Variants in HS2ST1 observed in about 807,000 individuals in gnomAD.
The protein encoded by HS2ST1 is 2-O-sulfotransferase.
In HS2ST1, 18 loss-of-function variants were observed where a neutral mutation model predicts 42.9. The observed-to-expected ratio is 0.42, with a 90% CI of 0.29 to 0.62. The LOEUF (loss-of-function observed/expected upper bound fraction) is 0.62. Among genes scored for constraint, HS2ST1 ranks in the 20% least tolerant of loss-of-function variants. The pLI is 0.21. For missense variants in HS2ST1, 334 were observed against 433.8 expected, an observed-to-expected ratio of 0.77 and a Z score of 2.04; for synonymous variants, 146 against 152.9, an observed-to-expected ratio of 0.95 and a Z score of 0.33.
chr1:86,935,668 T>C (rs1051073609), intron 1 of HS2ST1, among the ~76,000 whole-genome samples: 3 of 151,990 alleles, frequency 2.0e-5, no homozygotes, highest in South Asian at 4.2e-4. Flanking sequence ...TTTGCCGTGT[T>C]GACCAGGCTA....
intron 1 of HS2ST1, among the ~76,000 whole-genome samples, chr1:86,929,106 G>C (rs1418433417): frequency 6.6e-6 from 1 of 151,826 alleles, no homozygotes. Flanking sequence ...AATGATACTT[G>C]TTTTTGCTTT....
rs1020963666 is a variant in HS2ST1, at chr1:87,109,632, G to C, written c.*4936G>C. The C allele has an allele frequency of 5.3e-5, 8 of 151,584 alleles. No individual in the cohort carries two copies. Among genetic ancestry groups the C allele is most frequent in the African/African-American group, 1.7e-4 (7 of 41,236 alleles). The allele number at this position is 151,584 out of a possible 1,614,324, so 9.4% of individuals were successfully genotyped here. A position where few individuals can be genotyped will look rare whatever the true frequency, so the allele number is the denominator to read the frequency against. ...TTCAATTCTTAGCCACTGGCTCATT[G>C]CTTTGAGCAATGCTTGATTGATTCT... On this transcript the variant is annotated 3_prime_UTR_variant, in exon 7 of 7. Transcript: ENST00000370550.
At chr1:86,917,478 C>G (rs1437321025) in intron 1 of HS2ST1, among the ~76,000 whole-genome samples, 1 of 150,796 alleles carries the variant, frequency 6.6e-6, no homozygotes, top group Non-Finnish European at 1.5e-5. Flanking sequence ...AAGATCACAC[C>G]ACTGCACTCC....
intron 1 of HS2ST1, among the ~76,000 whole-genome samples, chr1:87,031,230 G>A (rs542715149): frequency 2.0e-5 from 3 of 152,166 alleles, no homozygotes; most frequent in South Asian, 2.1e-4. Context: ...CATGTGCCAC[G>A]TCACCTGGCT....
rs1649275098 is a variant in HS2ST1 at position 87,001,227 on chromosome 1, GC to G, written c.125-71706del. 4.6e-5 allele frequency among the ~76,000 whole-genome samples: 7 copies of G among 152,190 alleles called. No individual in the cohort carries two copies. The South Asian group carries it at 1.5e-3, about 32-fold the overall frequency. ...ATACCTTTGGATTTACTGTACACAGGCTACTCCTCATAATCCATTGCTTATC... is the reference window on the plus strand; with the variant it reads ...ATACCTTTGGATTTACTGTACACAGGTACTCCTCATAATCCATTGCTTATC... On this transcript the variant is annotated intron_variant, in intron 1 of 6. Transcript: ENST00000370550.
intron 1 of HS2ST1, among the ~76,000 whole-genome samples, chr1:86,915,948 G>C (rs1006541229): frequency 1.3e-5 from 2 of 152,192 alleles, no homozygotes; most frequent in Non-Finnish European, 2.9e-5. Flanking sequence ...AGTGAAGTTT[G>C]TGTTTGTTAA....
At chr1:86,979,687 T>G (rs550577354) in intron 1 of HS2ST1, among the ~76,000 whole-genome samples, 92 of 152,356 alleles carry the variant, frequency 6.0e-4, no homozygotes, top group African/African-American at 2.1e-3. Flanking sequence ...AATATCTGTT[T>G]GAGTGCCTGC....
chr1:87,087,388 A>G (rs187591672), intron 3 of HS2ST1, among the ~76,000 whole-genome samples: 10 of 152,218 alleles, frequency 6.6e-5, no homozygotes, highest in African/African-American at 2.2e-4. Flanking sequence ...TTTTGATATA[A>G]CAGTTTTATT....
At chr1:87,060,885 G>A (rs1467703721) in intron 1 of HS2ST1, among the ~76,000 whole-genome samples, 1 of 151,906 alleles carries the variant, frequency 6.6e-6, no homozygotes, top group Non-Finnish European at 1.5e-5. Context: ...GGATTGATGG[G>A]GTATTTAATA....
intron 1 of HS2ST1, among the ~76,000 whole-genome samples, chr1:87,061,093 C>T (rs1276254731): frequency 1.3e-5 from 2 of 151,798 alleles, no homozygotes; most frequent in East Asian, 3.9e-4. Flanking sequence ...CTAATAAGGG[C>T]CTACAAAAAT....
intron 1 of HS2ST1, among the ~76,000 whole-genome samples, chr1:87,004,808 CAT>C (rs1194365786): frequency 6.6e-6 from 1 of 152,174 alleles, no homozygotes; most frequent in East Asian, 1.9e-4. Context: ...GCTTAGGAGT[CAT>C]ATAGTGCATA....
chr1:87,104,565 A>C lies in HS2ST1; in HGVS notation c.940A>C (p.Asn314His). ...GCAATCTGATATTTGGAAAATGGAG[A>C]ATGAGTTCTATGAATTTGCACTAGA... ...LQQSDIWKME[N>H]EFYEFALEQF... The change falls in exon 7 of 7, where the codon AAT becomes CAT. Residue 314 changes from asparagine (N) to histidine (H), a missense_variant. Transcript: ENST00000370550. 6.2e-7 allele frequency: 1 copy of C among 1,613,352 alleles called. No individual in the cohort carries two copies. Among genetic ancestry groups the C allele is most frequent in the Non-Finnish European group, 8.5e-7 (1 of 1,179,328 alleles).
At position 87,103,539 on chromosome 1, in the gene HS2ST1, A is replaced by C; in HGVS notation, c.794A>C (p.Glu265Ala). Residue 265 changes from glutamate (E) to alanine (A), a missense_variant, in exon 6 of 7, where the codon GAG becomes GCG. Coordinates refer to ENST00000370550, the MANE Select transcript of HS2ST1 (RefSeq NM_012262.4). ...EELEDFIMLL[E>A]AALPRFFRGA... ...CTTGAAGATTTTATCATGTTATTGG[A>C]GGCAGCATTGCCCCGGTTTTTCAGG... The C allele has an allele frequency of 6.2e-7, 1 of 1,612,318 alleles. No homozygotes were observed. Among genetic ancestry groups the C allele is most frequent in the Non-Finnish European group, 8.5e-7 (1 of 1,179,212 alleles).
intron 1 of HS2ST1, among the ~76,000 whole-genome samples, chr1:86,931,727 G>C (rs966063677): frequency 6.6e-5 from 10 of 151,958 alleles, no homozygotes; most frequent in African/African-American, 2.4e-4. Context: ...CATCAGTGTG[G>C]AACCTTATAT....
At position 86,943,984 on chromosome 1, in the gene HS2ST1, G is replaced by A. The variant is rs111844925; in HGVS notation, c.124+28824G>A. Among the ~76,000 whole-genome samples the A allele has an allele frequency of 5.9e-4, 90 of 151,872 alleles. 1 individual carries two copies. The highest frequency in any genetic ancestry group is 1.0e-3 in the Non-Finnish European group (69 of 67,968). ...GAGGTTTGCAGTGAGCCAAGACTGC[G>A]CCATTGCACTCTCCCTGGGTAACGA... On this transcript the variant is annotated intron_variant, in intron 1 of 6. Coordinates refer to ENST00000370550, the MANE Select transcript of HS2ST1 (RefSeq NM_012262.4).
intron 1 of HS2ST1, chr1:87,046,712 C>T (rs1001973366): frequency 8.7e-6 from 9 of 1,031,634 alleles, no homozygotes; most frequent in Non-Finnish European, 1.2e-5. Flanking sequence ...CTGTGCATGT[C>T]GATTTTATTT....
chr1:86,985,479 T>C lies in HS2ST1; in HGVS notation c.124+70319T>C, dbSNP rs1338974881. 2.1e-4 allele frequency among the ~76,000 whole-genome samples: 24 copies of C among 114,328 alleles called. 3 individuals are homozygous for C. Among genetic ancestry groups the C allele is most frequent in the African/African-American group, 3.2e-4 (10 of 31,520 alleles). 75.0% of individuals were successfully genotyped at this position (114,328 alleles called of 152,430 possible). A position where few individuals can be genotyped will look rare whatever the true frequency, so the allele number is the denominator to read the frequency against. On this transcript the variant is annotated intron_variant, in intron 1 of 6. Transcript: ENST00000370550. ...ACACATATATACACATATATACACA[T>C]ATATACACATATATATACACATATA...
At chr1:87,080,415 G>A (rs183670117) in intron 2 of HS2ST1, among the ~76,000 whole-genome samples, 1 of 152,300 alleles carries the variant, frequency 6.6e-6, no homozygotes, top group Non-Finnish European at 1.5e-5. Context: ...AGTTTTGAAC[G>A]ACTGGATCTG....
intron 1 of HS2ST1, among the ~76,000 whole-genome samples, chr1:87,063,056 G>A (rs539617854): frequency 6.6e-6 from 1 of 152,128 alleles, no homozygotes; most frequent in Non-Finnish European, 1.5e-5. Flanking sequence ...TTTTAAGTGT[G>A]TAAAGTTGTC....
Sources: allele counts gnomAD v4.1 joint callset (sites outside exome capture counted in the v4.1 genomes callset), GRCh38; gene constraint gnomAD v4.1.1; transcripts MANE v1.5; gene names NCBI Gene and HGNC (gene_info 2026-07-23, HGNC 2026-07-21).